ZNG1F: variants seen among roughly 807,000 people sequenced by gnomAD.
The protein encoded by ZNG1F is Zn regulated GTPase metalloprotein activator 1F, also known as zinc-regulated GTPase metalloprotein activator 1F.
chr9:41,132,572 T>G, the ZNG1F span: 1 of 1,372,050 alleles, frequency 7.3e-7, no homozygotes, highest in Non-Finnish European at 9.4e-7. Flanking sequence ...ATTGATTTTT[T>G]TTTTGAACAA....
At chr9:41,185,698 A>G in the ZNG1F span, among the ~76,000 whole-genome samples, 209 of 150,930 alleles carry the variant, frequency 1.4e-3, no homozygotes, top group Middle Eastern at 0.01. Flanking sequence ...AATAAAAAAT[A>G]AACGTTTTTT....
At chr9:41,193,043 AAC>A in the ZNG1F span, among the ~76,000 whole-genome samples, 3 of 148,502 alleles carry the variant, frequency 2.0e-5, no homozygotes, top group Non-Finnish European at 4.5e-5. Flanking sequence ...TATCCCATTT[AAC>A]TCTCCAAGGT....
the ZNG1F span, chr9:41,171,715 C>T: frequency 1.1e-5 from 3 of 281,862 alleles, no homozygotes; most frequent in Non-Finnish European, 1.9e-5. Flanking sequence ...GGTGCCACTG[C>T]ACTCCAGCCT....
chr9:41,185,145 T>C, the ZNG1F span, among the ~76,000 whole-genome samples: 19 of 40,604 alleles, frequency 4.7e-4, no homozygotes, highest in African/African-American at 1.1e-3. Flanking sequence ...TCTAGAGCTA[T>C]TTTTTTTTTT....
the ZNG1F span, among the ~76,000 whole-genome samples, chr9:41,138,795 A>G: frequency 2.8e-5 from 3 of 105,818 alleles, no homozygotes; most frequent in Non-Finnish European, 3.7e-5. Context: ...TTATATTTCT[A>G]TAAGTATGTC....
At chr9:41,178,856 G>A in the ZNG1F span, among the ~76,000 whole-genome samples, 2 of 123,030 alleles carry the variant, frequency 1.6e-5, no homozygotes, top group East Asian at 2.4e-4. Flanking sequence ...ATGAGCCACC[G>A]AGCCCGGCCA....
chr9:41,183,737 A>C, the ZNG1F span: 1 of 1,599,194 alleles, frequency 6.3e-7, no homozygotes, highest in Non-Finnish European at 8.5e-7. Flanking sequence ...AAAGATGAGG[A>C]TAACTCAATA....
At chr9:41,132,154 T>G in the ZNG1F span, 3 of 1,553,322 alleles carry the variant, frequency 1.9e-6, 1 homozygote, top group Non-Finnish European at 2.6e-6. Context: ...GTTAATCTGT[T>G]TAAGTGGCAC....
the ZNG1F span, among the ~76,000 whole-genome samples, chr9:41,173,018 AAAT>A: frequency 1.1e-5 from 1 of 87,736 alleles, no homozygotes; most frequent in African/African-American, 4.4e-5. Flanking sequence ...ATAAATAAGA[AAAT>A]AAGATTTCCT....
chr9:41,193,038 C>T, the ZNG1F span, among the ~76,000 whole-genome samples: 1 of 149,198 alleles, frequency 6.7e-6, no homozygotes, highest in Non-Finnish European at 1.5e-5. Flanking sequence ...TGCATTATCC[C>T]ATTTAACTCT....
chr9:41,180,660 A>ATGTGTGTGTG, the ZNG1F span, among the ~76,000 whole-genome samples: 1 of 90,698 alleles, frequency 1.1e-5, no homozygotes, highest in Non-Finnish European at 2.2e-5. Flanking sequence ...GTGTGTATGA[A>ATGTGTGTGTG]TGTGTGTGTG....
the ZNG1F span, chr9:41,171,926 G>A: frequency 6.3e-6 from 1 of 157,772 alleles, no homozygotes; most frequent in African/African-American, 3.0e-4. Context: ...GCCTTTAGTG[G>A]TATTTCACCT....
the ZNG1F span, among the ~76,000 whole-genome samples, chr9:41,193,917 G>GA: frequency 6.7e-6 from 1 of 149,058 alleles, no homozygotes; most frequent in African/African-American, 2.5e-5. Flanking sequence ...TAACCAATCA[G>GA]TTTTTTTTTC....
the ZNG1F span, chr9:41,183,582 C>A: frequency 6.9e-6 from 11 of 1,596,252 alleles, 1 homozygote; most frequent in African/African-American, 1.5e-4. Flanking sequence ...ACAGCAGAGG[C>A]AACCGTTTCT....
the ZNG1F span, among the ~76,000 whole-genome samples, chr9:41,139,228 T>C: frequency 7.1e-6 from 1 of 140,960 alleles, no homozygotes; most frequent in African/African-American, 2.7e-5. Context: ...AGCTGAGCTG[T>C]AGTGATTGCT....
At chr9:41,203,216 G>T in the ZNG1F span, among the ~76,000 whole-genome samples, 1 of 152,164 alleles carries the variant, frequency 6.6e-6, no homozygotes, top group Non-Finnish European at 1.5e-5. Flanking sequence ...CTGTTTCCCT[G>T]ATGCAGTTAA....
chr9:41,140,967 A>G, the ZNG1F span, among the ~76,000 whole-genome samples: 4 of 151,666 alleles, frequency 2.6e-5, no homozygotes, highest in Non-Finnish European at 2.9e-5. Context: ...GTTTTAAGCA[A>G]TCCACCCACC....
the ZNG1F span, chr9:41,131,990 G>A: frequency 8.5e-6 from 5 of 585,854 alleles, no homozygotes; most frequent in Non-Finnish European, 1.2e-5. Flanking sequence ...AACTTTCCAG[G>A]TCAGTACATC....
At chr9:41,155,954 G>T in the ZNG1F span, among the ~76,000 whole-genome samples, 2 of 135,640 alleles carry the variant, frequency 1.5e-5, 1 homozygote, top group Non-Finnish European at 3.2e-5. Context: ...TGCACATTGT[G>T]CACATGTACC....
Sources: gnomAD v4.1 joint callset for allele counts (sites outside exome capture counted in the v4.1 genomes callset) on GRCh38, gnomAD v4.1.1 for gene constraint, MANE v1.5 for transcripts, NCBI Gene and HGNC (gene_info 2026-07-23, HGNC 2026-07-21) for gene names.